Variants in LGALS9 observed in about 807,000 individuals in gnomAD.
The protein encoded by LGALS9 is galectin 9, also known as galectin-9.
LGALS9 carries 26 observed loss-of-function variants against 35.9 expected under a neutral mutation model. The ratio of observed to expected loss-of-function variants is 0.72; its 90% CI spans 0.53 to 1.01. The LOEUF is 1.01. Among genes scored for constraint, LGALS9 ranks in the 50% least tolerant of loss-of-function variants. LGALS9 has a pLI of 0.00. For missense variants in LGALS9, 347 were observed against 445.8 expected, an observed-to-expected ratio of 0.78 and a Z score of 1.99; for synonymous variants, 149 against 172.2, an observed-to-expected ratio of 0.87 and a Z score of 1.06.
At chr17:27,642,555 C>T (rs1904601679) in intron 4 of LGALS9, 1 of 1,123,372 alleles carries the variant, frequency 8.9e-7, no homozygotes, top group Non-Finnish European at 1.2e-6. Context: ...GTCCGGAACA[C>T]CTGCCTTGGT....
intron 5 of LGALS9, chr17:27,643,938 G>T (rs1307001301): frequency 6.2e-6 from 2 of 322,174 alleles, no homozygotes; most frequent in Non-Finnish European, 1.1e-5. Context: ...CCCAACCACT[G>T]CCACAGTGAC....
chr17:27,638,968 C>T (rs979484487), intron 2 of LGALS9, among the ~76,000 whole-genome samples: 6 of 152,144 alleles, frequency 3.9e-5, no homozygotes, highest in African/African-American at 7.2e-5. Context: ...CGAGGCACCC[C>T]GACCGGGTGG....
In LGALS9 at chr17:27,640,672, C is replaced by T. The variant is rs200658304; in HGVS notation, c.232C>T (p.Gln78Ter). Reference protein sequence around the residue: ...DGGYVVCNTRQNGSWGPEERK... With the variant: ...DGGYVVCNTR ...AGGGTACGTGGTGTGCAACACGAGG[C>T]AGAACGGAAGCTGGGGGCCCGAGGA... Residue 78 changes from glutamine to a stop codon, truncating the protein, a stop_gained, in exon 3 of 11, where the codon CAG becomes TAG. Coordinates refer to ENST00000395473, the MANE Select transcript of LGALS9 (RefSeq NM_009587.3). LOFTEE classifies it high-confidence loss of function. The T allele has an allele frequency of 6.2e-7, 1 of 1,614,238 alleles. No homozygotes were observed. Among genetic ancestry groups the T allele is most frequent in the Non-Finnish European group, 8.5e-7 (1 of 1,180,044 alleles).
At chr17:27,635,814 A>G (rs757401947) in intron 1 of LGALS9, among the ~76,000 whole-genome samples, 1 of 152,184 alleles carries the variant, frequency 6.6e-6, no homozygotes, top group Non-Finnish European at 1.5e-5. Flanking sequence ...GCTTCCACAA[A>G]CAGGCAAGGA....
chr17:27,635,832 G>C (rs1389386898), intron 1 of LGALS9, among the ~76,000 whole-genome samples: 2 of 152,196 alleles, frequency 1.3e-5, no homozygotes, highest in Non-Finnish European at 2.9e-5. Context: ...GGAGAAAAAT[G>C]TTCCACAGAC....
chr17:27,647,885 T>C (rs1357459541), intron 10 of LGALS9, among the ~76,000 whole-genome samples: 1 of 152,244 alleles, frequency 6.6e-6, no homozygotes, highest in Non-Finnish European at 1.5e-5. Context: ...GGACAGATTG[T>C]CACAGATAAC....
At position 27,643,760 on chromosome 17, in the gene LGALS9, G is replaced by A. The variant is rs181990463; in HGVS notation, c.540+140G>A. On this transcript the variant is annotated intron_variant, in intron 5 of 10. Coordinates refer to ENST00000395473, the MANE Select transcript of LGALS9 (RefSeq NM_009587.3). ...ACCCAAGAGTTCCCTGTCTCTGTCCGCTGGGCACCCAGAGCTGGGGACCTG... is the reference window on the plus strand; with the variant it reads ...ACCCAAGAGTTCCCTGTCTCTGTCCACTGGGCACCCAGAGCTGGGGACCTG... 1.7e-3 allele frequency: 2,302 copies of A among 1,357,614 alleles called. 3 individuals carry two copies. Among genetic ancestry groups the A allele is most frequent in the Non-Finnish European group, 2.0e-3 (2,055 of 1,017,076 alleles). 84.1% of individuals were successfully genotyped at this position (1,357,614 alleles called of 1,614,324 possible).
intron 5 of LGALS9, chr17:27,645,074 CCT>C: frequency 1.5e-6 from 1 of 671,668 alleles, no homozygotes; most frequent in Admixed American, 3.0e-5. Flanking sequence ...AACCCAGTCT[CCT>C]CTCTCTCGAG....
intron 2 of LGALS9, among the ~76,000 whole-genome samples, chr17:27,639,938 A>G (rs1338290555): frequency 1.3e-5 from 2 of 152,084 alleles, no homozygotes; most frequent in Non-Finnish European, 2.9e-5. Context: ...GGGTTTTACC[A>G]TGTTGGCCAG....
intron 1 of LGALS9, among the ~76,000 whole-genome samples, chr17:27,635,335 G>C (rs2074436564): frequency 6.6e-6 from 1 of 151,974 alleles, no homozygotes; most frequent in South Asian, 2.1e-4. Context: ...AGCTATTCGG[G>C]AGGTTGAGGC....
At chr17:27,642,884 A>G (rs1448822732) in intron 4 of LGALS9, among the ~76,000 whole-genome samples, 3 of 152,116 alleles carry the variant, frequency 2.0e-5, no homozygotes, top group Non-Finnish European at 4.4e-5. Context: ...TGTTTTAACA[A>G]CTTTGAATGT....
At chr17:27,647,241 T>C (rs1262687444) in intron 9 of LGALS9, 29 bp from the exon 10 acceptor site, 1 of 1,613,436 alleles carries the variant, frequency 6.2e-7, no homozygotes, top group South Asian at 1.1e-5. Flanking sequence ...ATTCGGTGGA[T>C]AAAGGTTCAG....
chr17:27,634,016 G>T (rs140097779), intron 1 of LGALS9, among the ~76,000 whole-genome samples: 3 of 152,198 alleles, frequency 2.0e-5, no homozygotes, highest in Non-Finnish European at 4.4e-5. Flanking sequence ...AAGCAGGTCC[G>T]GTTGTTTTCC....
At chr17:27,646,984 C>T in intron 8 of LGALS9, 46 bp from the exon 9 acceptor site, 1 of 1,612,472 alleles carries the variant, frequency 6.2e-7, no homozygotes, top group East Asian at 2.2e-5. Flanking sequence ...CTGGTACAAT[C>T]TTCCCCTTCC....
Position 27,642,260 on chromosome 17 carries a change from T to A in LGALS9, c.356T>A (p.Phe119Tyr). 1 of 1,612,990 alleles carries A rather than the reference T, an allele frequency of 6.2e-7. No individual in the cohort carries two copies. Among genetic ancestry groups the A allele is most frequent in the Non-Finnish European group, 8.5e-7 (1 of 1,179,718 alleles). Residue 119 changes from phenylalanine (F) to tyrosine (Y), a missense_variant, in exon 4 of 11, where the codon TTC becomes TAC. Coordinates refer to ENST00000395473, the MANE Select transcript of LGALS9 (RefSeq NM_009587.3). ...CAGGTGATGGTGAACGGGATCCTCT[T>A]CGTGCAGTACTTCCACCGCGTGCCC... ...DFKVMVNGILFVQYFHRVPFH... is the reference protein window; with the variant it reads ...DFKVMVNGILYVQYFHRVPFH...
At chr17:27,646,644 T>C in intron 8 of LGALS9, 56 bp downstream of exon 8, 3 of 1,611,808 alleles carry the variant, frequency 1.9e-6, no homozygotes, top group Non-Finnish European at 2.5e-6. Context: ...AGGCTGGGGG[T>C]GAAGGGCCGC....
At chr17:27,648,153 G>T (rs1905078474) in intron 10 of LGALS9, among the ~76,000 whole-genome samples, 1 of 152,276 alleles carries the variant, frequency 6.6e-6, no homozygotes, top group Admixed American at 6.5e-5. Context: ...ATACTCTGCA[G>T]TCAGAGTTGA....
rs1436144317 is a variant in LGALS9, at chr17:27,647,031, C to T, written c.671C>T (p.Pro224Leu). ...GACCTGTCCCCCTTCTTCCGACAGC[C>T]GATGCCTTTCATCACCACCATTCTG... is the stretch of plus-strand genomic sequence containing the variant. ...PPMMYPHPAY[P>L]MPFITTILGG... Residue 224 changes from proline (P) to leucine (L), a missense_variant and splice_region_variant, in exon 9 of 11, where the codon CCG (proline) becomes CTG (leucine). Transcript: ENST00000395473. 9.9e-6 allele frequency: 16 copies of T among 1,613,862 alleles called. No individual in the cohort carries two copies. Among genetic ancestry groups the T allele is most frequent in the Non-Finnish European group, 1.2e-5 (14 of 1,179,906 alleles).
chr17:27,632,471 G>C (rs1323916059), intron 1 of LGALS9, among the ~76,000 whole-genome samples: 2 of 152,176 alleles, frequency 1.3e-5, no homozygotes, highest in African/African-American at 4.8e-5. Flanking sequence ...GTTTCCTCCT[G>C]GCTGTCACCA....
Sources: allele counts gnomAD v4.1 joint callset (sites outside exome capture counted in the v4.1 genomes callset), GRCh38; gene constraint gnomAD v4.1.1; transcripts MANE v1.5; gene names NCBI Gene and HGNC (gene_info 2026-07-23, HGNC 2026-07-21).